ALS2: variants seen among roughly 807,000 people sequenced by gnomAD.
ALS2 encodes alsin.
In ALS2, 117 loss-of-function variants were observed where a neutral mutation model predicts 203.4. The observed-to-expected ratio is 0.58, with a 90% CI of 0.50 to 0.67. ALS2 has a LOEUF of 0.67. Ranked by LOEUF, ALS2 falls within the 30% of genes least tolerant of loss-of-function variation. The probability of loss-of-function intolerance (pLI) is 0.00; values close to 1 mark genes in which losing one functional copy is unlikely to be tolerated. For missense variants in ALS2, 1,715 were observed against 1,989.4 expected (o/e 0.86, Z 2.62); for synonymous variants, 718 against 725.9 (o/e 0.99, Z 0.17).
At chr2:201,716,822 T>A (rs1217465670) in intron 24 of ALS2, 1 of 151,984 alleles carries the variant, frequency 6.6e-6, no homozygotes, top group African/African-American at 2.4e-5. Flanking sequence ...GAATTTAAAA[T>A]GCATTACATA....
rs1692678678 is a variant in ALS2, at chr2:201,746,634, T to C, written c.1930A>G (p.Thr644Ala). Reference sequence around the variant, plus strand: ...TTCTCTGGAAGGTTGTCACCTTCTGTAGGGTCCTGTCGGCCACTGTAATAT... The same window carrying C: ...TTCTCTGGAAGGTTGTCACCTTCTGCAGGGTCCTGTCGGCCACTGTAATAT... The part of the protein sequence containing the change: ...GLYYSGRQDP[T>A]EGDNLPENHS... Residue 644 changes from threonine (T) to alanine (A), a missense_variant, in exon 9 of 34, where the codon ACA becomes GCA. This residue lies in a region of ALS2 where 1,227 missense variants were observed against 1,413.5 expected (regional missense o/e 0.87). Coordinates refer to ENST00000264276, the MANE Select transcript of ALS2 (RefSeq NM_020919.4). The C allele has an allele frequency of 1.9e-6, 3 of 1,614,086 alleles. No individual in the cohort carries two copies. Among genetic ancestry groups the C allele is most frequent in the Admixed American group, 1.7e-5 (1 of 59,994 alleles).
chr2:201,726,242 T>G (rs1404104543), intron 19 of ALS2, among the ~76,000 whole-genome samples: 1 of 152,214 alleles, frequency 6.6e-6, no homozygotes, highest in Non-Finnish European at 1.5e-5. Context: ...TAGCCCCATT[T>G]TAACAGATGG....
At chr2:201,776,165 A>G (rs899943306) in intron 1 of ALS2, among the ~76,000 whole-genome samples, 6 of 152,244 alleles carry the variant, frequency 3.9e-5, no homozygotes, top group Non-Finnish European at 5.9e-5. Context: ...AGACACTTTT[A>G]TCTCATGTCA....
intron 33 of ALS2, 59 bp from the exon 34 acceptor site, chr2:201,701,948 G>A: frequency 1.3e-6 from 2 of 1,499,358 alleles, no homozygotes; most frequent in Non-Finnish European, 1.9e-6. Context: ...CATAAAGAGA[G>A]CAATGCATAT....
At position 201,761,049 on chromosome 2, in the gene ALS2, G is replaced by C; in HGVS notation, c.945C>G (p.Ser315Arg). 6.2e-7 allele frequency: 1 copy of C among 1,614,142 alleles called. No homozygotes were observed. Among genetic ancestry groups the C allele is most frequent in the Non-Finnish European group, 8.5e-7 (1 of 1,180,016 alleles). ...CATTTTGTTGAGAGGACATGGCATC[G>C]CTGCTTGTGATCTGAGCACTTACTG... ...LNAVSAQITS[S>R]DAMSSQQNVM... is the part of the protein sequence containing the mutation. The change falls in exon 4 of 34, where the codon AGC (serine) becomes AGG (arginine). Residue 315 changes from serine to arginine, a missense_variant. Coordinates refer to ENST00000264276, the MANE Select transcript of ALS2 (RefSeq NM_020919.4).
intron 6 of ALS2, 148 bp from the exon 7 acceptor site, chr2:201,753,390 T>C: frequency 1.4e-6 from 1 of 715,520 alleles, no homozygotes; most frequent in Non-Finnish European, 2.4e-6. Context: ...GTCAATCTAC[T>C]CCTAAATATC....
intron 8 of ALS2, 118 bp from the exon 9 acceptor site, chr2:201,746,866 G>T: frequency 8.8e-7 from 1 of 1,142,378 alleles, no homozygotes; most frequent in Non-Finnish European, 1.3e-6. Context: ...AGTCATATCT[G>T]AGAGCAAACT....
At chr2:201,703,391 A>G (rs1239031261) in intron 33 of ALS2, among the ~76,000 whole-genome samples, 1 of 152,074 alleles carries the variant, frequency 6.6e-6, no homozygotes, top group Admixed American at 6.6e-5. Flanking sequence ...TTTCATGTGA[A>G]GTTTTTATTA....
chr2:201,779,114 T>A (rs1694784917), intron 1 of ALS2, among the ~76,000 whole-genome samples: 1 of 152,198 alleles, frequency 6.6e-6, no homozygotes, highest in South Asian at 2.1e-4. Context: ...TACCCTTTGC[T>A]TCTTTAACAG....
At chr2:201,759,749 C>G (rs2106084964) in intron 4 of ALS2, 1 of 984,988 alleles carries the variant, frequency 1.0e-6, no homozygotes, top group East Asian at 1.1e-4. Context: ...CACATTCTGA[C>G]AGAGTAAACA....
intron 15 of ALS2, among the ~76,000 whole-genome samples, chr2:201,728,296 C>T (rs1222319931): frequency 6.6e-6 from 1 of 152,048 alleles, no homozygotes; most frequent in African/African-American, 2.4e-5. Flanking sequence ...CTTCTTGTGT[C>T]CAAGTGTTCT....
intron 23 of ALS2, 60 bp downstream of exon 23, chr2:201,722,983 T>TAA (rs3219165): frequency 3.8e-5 from 49 of 1,293,754 alleles, no homozygotes; most frequent in Non-Finnish European, 4.8e-5. Context: ...ATTTTTAAAG[T>TAA]AAAAAAAAAT....
intron 4 of ALS2, 116 bp downstream of exon 4, chr2:201,760,765 A>C: frequency 6.9e-7 from 1 of 1,454,300 alleles, no homozygotes; most frequent in Non-Finnish European, 9.1e-7. Context: ...CAAAATTATA[A>C]TCAAACTCAA....
rs1318436699 is a variant in ALS2 at position 201,710,057 on chromosome 2, A to G, written c.4123-19T>C. 4.3e-6 allele frequency: 7 copies of G among 1,613,588 alleles called. No individual in the cohort carries two copies. The highest frequency in any genetic ancestry group is 5.9e-6 in the Non-Finnish European group (7 of 1,179,722). ...CACAGGCCTGAGTAGGAAAAGAATC[A>G]ATGAAGTCAGTTGATGTGCATTAAC... On this transcript the variant is annotated intron_variant, in intron 26 of 33. Coordinates refer to ENST00000264276, the MANE Select transcript of ALS2 (RefSeq NM_020919.4).
intron 11 of ALS2, among the ~76,000 whole-genome samples, chr2:201,739,237 A>ACCC (rs1692099259): frequency 1.4e-5 from 1 of 71,282 alleles, no homozygotes; most frequent in South Asian, 5.3e-4. Flanking sequence ...CTGTCTCCCA[A>ACCC]AAAAAAAAAA....
At chr2:201,703,378 C>T (rs1000082388) in intron 33 of ALS2, among the ~76,000 whole-genome samples, 5 of 151,974 alleles carry the variant, frequency 3.3e-5, no homozygotes, top group African/African-American at 7.2e-5. Context: ...TTGGTGTTTC[C>T]ACTTTCATGT....
Position 201,767,238 on chromosome 2 carries a change from G to A in ALS2, c.166C>T (p.Leu56=). ...CCATTCTTTTCATTACCTTCAGTCA[G>A]AAGAACTCCATGTTTCACTCCGAGG... ...AALGVKHGVL[L]TEDGEVYSFG... is the part of the protein sequence containing the mutation. The change falls in exon 3 of 34, where the codon CTG becomes TTG. Residue 56 remains leucine (L), a synonymous_variant. Coordinates refer to ENST00000264276, the MANE Select transcript of ALS2 (RefSeq NM_020919.4). 4 of 1,613,990 alleles carry A rather than the reference G, an allele frequency of 2.5e-6. No homozygotes were observed. Among genetic ancestry groups the A allele is most frequent in the Non-Finnish European group, 2.5e-6 (3 of 1,179,996 alleles).
At position 201,728,502 on chromosome 2, in the gene ALS2, T is replaced by C. The variant is rs1691339022; in HGVS notation, c.2841+10A>G. The stretch of plus-strand genomic sequence containing the variant: ...TCAGGAATTCTTTTAAGGTTAGGAA[T>C]CCAGCCTACCTGGGCATGGACCAGG... On this transcript the variant is annotated intron_variant, in intron 15 of 33. Transcript: ENST00000264276. 6.2e-7 allele frequency: 1 copy of C among 1,613,950 alleles called. No individual in the cohort carries two copies. The highest frequency in any genetic ancestry group is 1.7e-5 in the Admixed American group (1 of 60,004).
intron 4 of ALS2, 153 bp downstream of exon 4, chr2:201,760,728 T>G: frequency 7.0e-7 from 1 of 1,433,090 alleles, no homozygotes; most frequent in Non-Finnish European, 9.1e-7. Context: ...CCAGGTTCTT[T>G]CCTTTATCTA....
Sources: gnomAD v4.1 joint callset for allele counts (sites outside exome capture counted in the v4.1 genomes callset) on GRCh38, gnomAD v4.1.1 for gene constraint, gnomAD v4.1.1 regional missense constraint, MANE v1.5 for transcripts, NCBI Gene and HGNC (gene_info 2026-07-23, HGNC 2026-07-21) for gene names.